The following ADCY1 variants were observed in gnomAD, a reference collection of about 807,000 sequenced individuals.
ADCY1 encodes adenylate cyclase type 1.
In ADCY1, 28 loss-of-function variants were observed where a neutral mutation model predicts 105.4. The ratio of observed to expected loss-of-function variants is 0.27; its 90% confidence interval spans 0.20 to 0.36. The LOEUF is 0.36. ADCY1 is among the 10% of genes least tolerant of loss of function. The probability of loss-of-function intolerance (pLI) is 1.00; values close to 1 mark genes in which losing one functional copy is unlikely to be tolerated. For synonymous variants in ADCY1, 655 were observed against 623.8 expected, an observed-to-expected ratio of 1.05 and a Z score of -0.75; for missense variants, 977 against 1,434.2, an observed-to-expected ratio of 0.68 and a Z score of 5.15.
chr7:45,641,979 A>G (rs1794538123), intron 4 of ADCY1, among the ~76,000 whole-genome samples: 2 of 150,132 alleles, frequency 1.3e-5, no homozygotes, highest in Non-Finnish European at 3.0e-5. Flanking sequence ...TGTTCCAACC[A>G]GGATACAAAT....
In ADCY1 at chr7:45,714,730, C is replaced by T. The variant is rs1785330723; in HGVS notation, c.*735C>T. On this transcript the variant is annotated 3_prime_UTR_variant, in exon 20 of 20. Coordinates refer to ENST00000297323, the MANE Select transcript of ADCY1 (RefSeq NM_021116.4). ...GGGGGGCCCTGTGACCCCCTCTCCA[C>T]AACCATGGCCAGCATCGGCTTCTTG... 1 of 152,672 alleles carries T rather than the reference C, an allele frequency of 6.5e-6. No homozygotes were observed. The highest frequency in any genetic ancestry group is 2.4e-5 in the African/African-American group (1 of 41,466). 9.5% of individuals were successfully genotyped at this position (152,672 alleles called of 1,614,324 possible). A position where few individuals can be genotyped will look rare whatever the true frequency, so the allele number is the denominator to read the frequency against.
chr7:45,689,064 GAT>G (rs1183048406), intron 14 of ADCY1, among the ~76,000 whole-genome samples: 1 of 150,640 alleles, frequency 6.6e-6, no homozygotes, highest in Non-Finnish European at 1.5e-5. Flanking sequence ...AGGTGGGGAA[GAT>G]CCAGATTCCT....
chr7:45,581,375 C>T lies in ADCY1; in HGVS notation c.639+6193C>T, dbSNP rs373398617. Reference sequence around the variant, plus strand: ...GTAAAACTGAACAGCTGCAGCGAGGCGCTGGTCTTGATCAAATGTTGGGAG... The same window carrying T: ...GTAAAACTGAACAGCTGCAGCGAGGTGCTGGTCTTGATCAAATGTTGGGAG... On this transcript the variant is annotated intron_variant, in intron 1 of 19. Coordinates refer to ENST00000297323, the MANE Select transcript of ADCY1 (RefSeq NM_021116.4). Among the ~76,000 whole-genome samples, 21 of 152,270 alleles carry T rather than the reference C, an allele frequency of 1.4e-4. No individual in the cohort carries two copies. The East Asian group carries it at 2.7e-3, about 20-fold the overall frequency.
chr7:45,607,598 G>A (rs879883921), intron 2 of ADCY1, among the ~76,000 whole-genome samples: 13 of 152,068 alleles, frequency 8.5e-5, no homozygotes, highest in South Asian at 2.1e-4. Flanking sequence ...GCCTCCCTCC[G>A]TCCCTCTCTC....
intron 8 of ADCY1, among the ~76,000 whole-genome samples, chr7:45,676,861 C>A (rs1379811326): frequency 7.0e-6 from 1 of 142,286 alleles, no homozygotes; most frequent in African/African-American, 2.6e-5. Flanking sequence ...TTTTTATGGT[C>A]TTTGGCTACA....
rs1785404245 is a variant in ADCY1 at position 45,718,664 on chromosome 7, C to T, written c.*4669C>T. On this transcript the variant is annotated 3_prime_UTR_variant, in exon 20 of 20. Transcript: ENST00000297323. ...GTAGGGGAAATGGAGTTGCTTCAAC[C>T]TTTCTCAGTCCCGGCCCTCACTGCA... 6.6e-6 allele frequency: 1 copy of T among 152,298 alleles called. No individual in the cohort carries two copies. Among genetic ancestry groups the T allele is most frequent in the African/African-American group, 2.4e-5 (1 of 41,458 alleles). The allele number at this position is 152,298 out of a possible 1,614,324, so 9.4% of individuals were successfully genotyped here.
At chr7:45,671,290 T>G (rs1784361131) in intron 8 of ADCY1, among the ~76,000 whole-genome samples, 1 of 152,260 alleles carries the variant, frequency 6.6e-6, no homozygotes, top group Non-Finnish European at 1.5e-5. Context: ...TGCTAAATAG[T>G]CCTTCATGGT....
chr7:45,631,004 G>C (rs1440886261), intron 4 of ADCY1, among the ~76,000 whole-genome samples: 1 of 151,950 alleles, frequency 6.6e-6, no homozygotes, highest in Non-Finnish European at 1.5e-5. Flanking sequence ...TGACTATTTT[G>C]GTTGGTTAGT....
chr7:45,669,263 A>C (rs1216582748), intron 8 of ADCY1, among the ~76,000 whole-genome samples: 15 of 152,092 alleles, frequency 9.9e-5, no homozygotes, highest in Non-Finnish European at 2.1e-4. Context: ...TCTTGTGGAC[A>C]TTTAGTGCTA....
chr7:45,669,059 T>C (rs1451564867), intron 8 of ADCY1, among the ~76,000 whole-genome samples: 1 of 152,216 alleles, frequency 6.6e-6, no homozygotes, highest in Non-Finnish European at 1.5e-5. Context: ...CTATCAATTT[T>C]GTTGATCTTT....
At chr7:45,613,158 T>G (rs932793132) in intron 3 of ADCY1, among the ~76,000 whole-genome samples, 1 of 152,178 alleles carries the variant, frequency 6.6e-6, no homozygotes, top group African/African-American at 2.4e-5. Context: ...ATAGACAATT[T>G]AAAATAACTC....
chr7:45,593,167 C>G (rs1007414539), intron 2 of ADCY1, among the ~76,000 whole-genome samples: 4 of 152,192 alleles, frequency 2.6e-5, no homozygotes, highest in African/African-American at 9.7e-5. Context: ...GCACGGACTT[C>G]CGGTTGCAGC....
intron 10 of ADCY1, among the ~76,000 whole-genome samples, chr7:45,678,907 T>C (rs1322478085): frequency 1.3e-5 from 2 of 151,362 alleles, no homozygotes; most frequent in African/African-American, 4.8e-5. Flanking sequence ...ATAATAATAA[T>C]AACAATAACT....
chr7:45,687,703 C>T (rs949898877), intron 14 of ADCY1, among the ~76,000 whole-genome samples: 1 of 152,182 alleles, frequency 6.6e-6, no homozygotes, highest in Non-Finnish European at 1.5e-5. Flanking sequence ...AACAGCACTG[C>T]CTAGGAGCTG....
intron 14 of ADCY1, among the ~76,000 whole-genome samples, chr7:45,690,501 G>A (rs917251018): frequency 2.0e-5 from 3 of 152,186 alleles, no homozygotes; most frequent in Non-Finnish European, 2.9e-5. Flanking sequence ...CTCCTCCCTC[G>A]CTACTGGCCC....
At position 45,643,396 on chromosome 7, in the gene ADCY1, A is replaced by G. The variant is rs544383392; in HGVS notation, c.1021-5274A>G. Among the ~76,000 whole-genome samples the G allele has an allele frequency of 2.0e-5, 3 of 152,072 alleles. No homozygotes were observed. In the East Asian group the frequency reaches 5.8e-4, roughly 29 times the overall value. ...TGAAAATTCTAATGACAGTAATATT[A>G]TTTATTTCATCTTTCCATATATAGT... On this transcript the variant is annotated intron_variant, in intron 4 of 19. Coordinates refer to ENST00000297323, the MANE Select transcript of ADCY1 (RefSeq NM_021116.4).
intron 4 of ADCY1, among the ~76,000 whole-genome samples, chr7:45,639,673 G>A (rs1794487776): frequency 6.6e-6 from 1 of 152,214 alleles, no homozygotes; most frequent in African/African-American, 2.4e-5. Flanking sequence ...ACCTCACATT[G>A]TTGTAAGTTC....
intron 4 of ADCY1, among the ~76,000 whole-genome samples, chr7:45,623,534 A>G (rs1052183219): frequency 3.3e-5 from 5 of 152,224 alleles, no homozygotes; most frequent in Non-Finnish European, 7.3e-5. Context: ...GCAGAAGCCA[A>G]CAGACGTTGC....
At chr7:45,625,643 G>T (rs1794037458) in intron 4 of ADCY1, among the ~76,000 whole-genome samples, 1 of 152,148 alleles carries the variant, frequency 6.6e-6, no homozygotes, top group African/African-American at 2.4e-5. Flanking sequence ...GTGTGTAGGT[G>T]AGCATGCATG....
Sources: allele counts gnomAD v4.1 joint callset (sites outside exome capture counted in the v4.1 genomes callset), GRCh38; gene constraint gnomAD v4.1.1; transcripts MANE v1.5; gene names NCBI Gene and HGNC (gene_info 2026-07-23, HGNC 2026-07-21).